Variants in PHACTR3 observed in about 807,000 individuals in gnomAD.
The protein encoded by PHACTR3 is phosphatase and actin regulator 3.
A neutral mutation model predicts 66.8 loss-of-function variants in PHACTR3; 16 were observed. That is an observed-to-expected ratio of 0.24 (90% confidence interval 0.16 to 0.36). The LOEUF (loss-of-function observed/expected upper bound fraction) is 0.36, where lower values mean the gene tolerates loss of function less well. Ranked by LOEUF, PHACTR3 falls within the 10% of genes least tolerant of loss-of-function variation. The pLI is 1.00. For synonymous variants in PHACTR3, 323 were observed against 292.1 expected (o/e 1.11, Z -1.08); for missense variants, 647 against 719.9 (o/e 0.90, Z 1.16).
At chr20:59,617,400 G>A (rs1600925405) in intron 1 of PHACTR3, among the ~76,000 whole-genome samples, 1 of 152,320 alleles carries the variant, frequency 6.6e-6, no homozygotes, top group East Asian at 1.9e-4. Context: ...TGAGTTCTCA[G>A]GAATATACAT....
At chr20:59,632,884 T>C (rs2034717015) in intron 1 of PHACTR3, among the ~76,000 whole-genome samples, 1 of 152,218 alleles carries the variant, frequency 6.6e-6, no homozygotes, top group African/African-American at 2.4e-5. Flanking sequence ...TCTGCCTCAC[T>C]GAAAGCTCTT....
At chr20:59,580,552 T>G (rs2032827573) in intron 1 of PHACTR3, among the ~76,000 whole-genome samples, 1 of 151,958 alleles carries the variant, frequency 6.6e-6, no homozygotes, top group African/African-American at 2.4e-5. Flanking sequence ...GTGGGTTATT[T>G]CTGCACTAAA....
At chr20:59,751,999 G>C (rs1161296825) in intron 3 of PHACTR3, among the ~76,000 whole-genome samples, 1 of 152,112 alleles carries the variant, frequency 6.6e-6, no homozygotes, top group Non-Finnish European at 1.5e-5. Flanking sequence ...GCGTTGACTT[G>C]GCATTTTCTT....
intron 1 of PHACTR3, among the ~76,000 whole-genome samples, chr20:59,651,981 T>A (rs1173378085): frequency 6.6e-6 from 1 of 152,200 alleles, no homozygotes; most frequent in African/African-American, 2.4e-5. Context: ...TACAATCTGC[T>A]GTCTGCAAGA....
chr20:59,661,994 T>G (rs2035822782), intron 1 of PHACTR3, among the ~76,000 whole-genome samples: 1 of 152,128 alleles, frequency 6.6e-6, no homozygotes, highest in Admixed American at 6.5e-5. Context: ...CGCGGTGGAA[T>G]ATTGTATTCG....
At chr20:59,688,158 A>C (rs1312633887) in intron 1 of PHACTR3, among the ~76,000 whole-genome samples, 1 of 152,172 alleles carries the variant, frequency 6.6e-6, no homozygotes, top group Admixed American at 6.5e-5. Context: ...CAAGATGTAA[A>C]GTTTCTTTAA....
At chr20:59,708,976 T>G (rs1039631552) in intron 1 of PHACTR3, among the ~76,000 whole-genome samples, 2 of 152,232 alleles carry the variant, frequency 1.3e-5, no homozygotes, top group Admixed American at 1.3e-4. Context: ...CAGTCTTCAT[T>G]GGCCTTCTTC....
chr20:59,844,028 C>T (rs888654401), intron 11 of PHACTR3: 1 of 152,034 alleles, frequency 6.6e-6, no homozygotes, highest in South Asian at 2.1e-4. Context: ...GTAGACATTT[C>T]TCAAAAGATG....
intron 1 of PHACTR3, among the ~76,000 whole-genome samples, chr20:59,728,330 G>C (rs146846175): frequency 9.2e-5 from 14 of 152,202 alleles, no homozygotes; most frequent in African/African-American, 3.4e-4. Context: ...AGTCATTGTG[G>C]AAAACAATTG....
chr20:59,828,292 CA>C (rs2042251191), intron 8 of PHACTR3, among the ~76,000 whole-genome samples: 1 of 152,182 alleles, frequency 6.6e-6, no homozygotes, highest in Non-Finnish European at 1.5e-5. Flanking sequence ...TAGTGTCTCT[CA>C]GGGCATGGAG....
chr20:59,723,812 T>C (rs1042259103), intron 1 of PHACTR3, among the ~76,000 whole-genome samples: 1 of 151,872 alleles, frequency 6.6e-6, no homozygotes, highest in South Asian at 2.1e-4. Flanking sequence ...GAGTAGAATG[T>C]TCATGGTGAC....
At chr20:59,742,352 T>G (rs1353403125) in intron 1 of PHACTR3, among the ~76,000 whole-genome samples, 1 of 152,228 alleles carries the variant, frequency 6.6e-6, no homozygotes, top group Non-Finnish European at 1.5e-5. Context: ...CAAACAGCAC[T>G]GCCATGAGCT....
At chr20:59,805,722 G>A (rs1345827292) in intron 7 of PHACTR3, among the ~76,000 whole-genome samples, 1 of 152,210 alleles carries the variant, frequency 6.6e-6, no homozygotes, top group Non-Finnish European at 1.5e-5. Flanking sequence ...TCCAAACTCA[G>A]ACGTTTTTGA....
chr20:59,603,281 G>T (rs1266578722), upstream of PHACTR3, among the ~76,000 whole-genome samples: 1 of 152,138 alleles, frequency 6.6e-6, no homozygotes, highest in Non-Finnish European at 1.5e-5. Context: ...CTCTGTGTTT[G>T]TGCACTGCTA....
chr20:59,710,913 T>G (rs2037889948), intron 1 of PHACTR3, among the ~76,000 whole-genome samples: 2 of 151,928 alleles, frequency 1.3e-5, no homozygotes, highest in Admixed American at 1.3e-4. Context: ...ATAAAGTCTT[T>G]TTTCTTTTTG....
intron 3 of PHACTR3, among the ~76,000 whole-genome samples, chr20:59,750,665 G>T (rs547591146): frequency 2.0e-5 from 3 of 151,436 alleles, no homozygotes; most frequent in African/African-American, 7.3e-5. Flanking sequence ...AGCCTGGGGC[G>T]GCCACAGTGC....
intron 1 of PHACTR3, among the ~76,000 whole-genome samples, chr20:59,652,316 G>A (rs1396664163): frequency 1.3e-5 from 2 of 152,080 alleles, no homozygotes; most frequent in Non-Finnish European, 2.9e-5. Flanking sequence ...CACCTAGCAG[G>A]GAGGATCACT....
At chr20:59,781,243 G>C (rs1406748244) in intron 7 of PHACTR3, among the ~76,000 whole-genome samples, 1 of 152,222 alleles carries the variant, frequency 6.6e-6, no homozygotes, top group Non-Finnish European at 1.5e-5. Context: ...ACAAGGGCAA[G>C]GGGAATTAAT....
intron 1 of PHACTR3, among the ~76,000 whole-genome samples, chr20:59,701,442 T>G (rs1199045434): frequency 3.3e-5 from 5 of 152,178 alleles, no homozygotes; most frequent in African/African-American, 1.2e-4. Context: ...CTACCATCTG[T>G]CTGCCAGTCT....
Sources: allele counts gnomAD v4.1 joint callset (sites outside exome capture counted in the v4.1 genomes callset), GRCh38; gene constraint gnomAD v4.1.1; transcripts MANE v1.5; gene names NCBI Gene and HGNC (gene_info 2026-07-23, HGNC 2026-07-21).